Variants in TANC2 observed in about 807,000 individuals in gnomAD.
The protein encoded by TANC2 is protein TANC2.
Under a neutral mutation model 210.5 loss-of-function variants are expected in TANC2, and 26 were observed. The ratio of observed to expected loss-of-function variants is 0.12; its 90% CI spans 0.09 to 0.17. TANC2 has a LOEUF of 0.17. Ranked by LOEUF, TANC2 falls within the 10% of genes least tolerant of loss-of-function variation. TANC2 has a pLI of 1.00. For missense variants in TANC2, 2,129 were observed against 2,608.9 expected, an observed-to-expected ratio of 0.82 and a Z score of 4.01; for synonymous variants, 931 against 967.1, an observed-to-expected ratio of 0.96 and a Z score of 0.69.
chr17:63,107,520 A>G (rs951294431), intron 4 of TANC2, among the ~76,000 whole-genome samples: 4 of 151,770 alleles, frequency 2.6e-5, no homozygotes, highest in African/African-American at 9.7e-5. Context: ...TGTTCACACC[A>G]AAACTTGTAC....
intron 3 of TANC2, among the ~76,000 whole-genome samples, chr17:63,084,252 A>T (rs1186354288): frequency 1.3e-5 from 2 of 152,142 alleles, no homozygotes; most frequent in African/African-American, 4.8e-5. Flanking sequence ...TATCTAGGTC[A>T]TCAAATTGTG....
exon 14 of TANC2, chr17:63,354,925 G>A: frequency 6.2e-7 from 1 of 1,613,786 alleles, no homozygotes; most frequent in Non-Finnish European, 8.5e-7. Context: ...TCACTTAATG[G>A]CAAAATGGAC....
intron 5 of TANC2, among the ~76,000 whole-genome samples, chr17:63,169,713 C>T (rs1435981009): frequency 6.6e-6 from 1 of 152,056 alleles, no homozygotes; most frequent in Non-Finnish European, 1.5e-5. Flanking sequence ...ACTTGGGAGG[C>T]TGAGGCAGGA....
intron 2 of TANC2, among the ~76,000 whole-genome samples, chr17:63,054,118 TCTGTCTTACATTTAAAATGGTAGTACTA>T (rs1427346438): frequency 6.6e-6 from 1 of 152,238 alleles, no homozygotes; most frequent in Non-Finnish European, 1.5e-5. Flanking sequence ...CATCTCTGAA[TCTGTCTTACATTTAAAATGGTAGTACTA>T]CTTGTTTCAT....
chr17:63,216,759 A>G (rs1247931951), intron 7 of TANC2, among the ~76,000 whole-genome samples: 1 of 152,210 alleles, frequency 6.6e-6, no homozygotes, highest in African/African-American at 2.4e-5. Context: ...AAAATATTTC[A>G]GTGGTCCACC....
At chr17:63,280,660 A>G (rs569100042) in intron 9 of TANC2, among the ~76,000 whole-genome samples, 1 of 152,140 alleles carries the variant, frequency 6.6e-6, no homozygotes, top group East Asian at 1.9e-4. Context: ...GTTTAAATAC[A>G]TCTGTTACTT....
At chr17:63,325,872 G>A (rs1237397886) in intron 11 of TANC2, among the ~76,000 whole-genome samples, 1 of 152,202 alleles carries the variant, frequency 6.6e-6, no homozygotes, top group Non-Finnish European at 1.5e-5. Flanking sequence ...ATAAACTGTA[G>A]ATTGAATGTA....
intron 4 of TANC2, among the ~76,000 whole-genome samples, chr17:63,108,734 G>A (rs577401895): frequency 1.3e-5 from 2 of 151,646 alleles, no homozygotes; most frequent in East Asian, 1.9e-4. Context: ...CCTTGAACCC[G>A]TGAGGCAGAG....
chr17:63,243,978 A>G (rs1442542628), intron 8 of TANC2, among the ~76,000 whole-genome samples: 1 of 152,180 alleles, frequency 6.6e-6, no homozygotes, highest in Non-Finnish European at 1.5e-5. Flanking sequence ...AGATTTTAAT[A>G]TTAAGAAACA....
intron 2 of TANC2, among the ~76,000 whole-genome samples, chr17:63,050,026 A>G (rs918869163): frequency 2.0e-5 from 3 of 152,276 alleles, no homozygotes; most frequent in African/African-American, 4.8e-5. Flanking sequence ...CTATTAGGAC[A>G]TGTTAAATTT....
intron 2 of TANC2, among the ~76,000 whole-genome samples, chr17:63,012,206 A>C (rs868133853): frequency 6.6e-6 from 1 of 151,858 alleles, no homozygotes; most frequent in Middle Eastern, 3.2e-3. Flanking sequence ...TTTTTTGTAG[A>C]GATGAGATCT....
Position 63,401,327 on chromosome 17 carries a change from G to A in TANC2, c.3331+2413G>A, listed in dbSNP as rs566139526. ...ATGGTCGTGATGTTTCCTATAATAT[G>A]TATCACTTACTCTATCAAATCTAAG... On this transcript the variant is annotated intron_variant, in intron 19 of 27. Transcript: ENST00000689528. Among the ~76,000 whole-genome samples the A allele has an allele frequency of 2.6e-5, 4 of 152,212 alleles. No homozygotes were observed. In the South Asian group the frequency reaches 8.3e-4, roughly 32 times the overall value.
At chr17:63,417,484 T>C (rs1222404102) in intron 26 of TANC2, among the ~76,000 whole-genome samples, 1 of 152,096 alleles carries the variant, frequency 6.6e-6, no homozygotes, top group Non-Finnish European at 1.5e-5. Context: ...GTGAGCGTGT[T>C]CCTCTAGGGA....
intron 18 of TANC2, 146 bp from the exon 19 acceptor site, chr17:63,398,675 T>C: frequency 1.9e-6 from 1 of 527,550 alleles, no homozygotes; most frequent in Non-Finnish European, 3.4e-6. Context: ...TGAGTTTCTT[T>C]ATTAGGACGG....
intron 9 of TANC2, among the ~76,000 whole-genome samples, chr17:63,300,825 G>C (rs2044688371): frequency 6.6e-6 from 1 of 152,184 alleles, no homozygotes; most frequent in Non-Finnish European, 1.5e-5. Context: ...TTGAATAGGA[G>C]TAGTGAGAGA....
chr17:62,979,898 G>A (rs2032215076), intron 1 of TANC2, among the ~76,000 whole-genome samples: 1 of 152,210 alleles, frequency 6.6e-6, no homozygotes, highest in South Asian at 2.1e-4. Flanking sequence ...GGGCAACAGA[G>A]TGAGACCCTG....
chr17:63,187,277 A>G (rs1339420762), intron 5 of TANC2, among the ~76,000 whole-genome samples: 1 of 152,186 alleles, frequency 6.6e-6, no homozygotes, highest in African/African-American at 2.4e-5. Flanking sequence ...AGCCATATGA[A>G]TTTGGTAAGT....
At chr17:63,282,914 C>A (rs1338946998) in intron 9 of TANC2, among the ~76,000 whole-genome samples, 3 of 151,930 alleles carry the variant, frequency 2.0e-5, no homozygotes, top group African/African-American at 7.2e-5. Flanking sequence ...TCGTTTATGA[C>A]TTCTCTTTTC....
chr17:63,021,527 A>G (rs2034348227), intron 2 of TANC2, among the ~76,000 whole-genome samples: 1 of 152,234 alleles, frequency 6.6e-6, no homozygotes, highest in South Asian at 2.1e-4. Context: ...CGAGGCCCTC[A>G]ACAGATGGGC....
Sources: allele counts gnomAD v4.1 joint callset (sites outside exome capture counted in the v4.1 genomes callset), GRCh38; gene constraint gnomAD v4.1.1; transcripts MANE v1.5; gene names NCBI Gene and HGNC (gene_info 2026-07-23, HGNC 2026-07-21).